The following CPNE9 variants were observed in gnomAD, a reference collection of about 807,000 sequenced individuals.
CPNE9 encodes copine family member 9.
Under a neutral mutation model 83.0 loss-of-function variants are expected in CPNE9, and 59 were observed. The ratio of observed to expected loss-of-function variants is 0.71; its 90% CI spans 0.58 to 0.88. The LOEUF (loss-of-function observed/expected upper bound fraction) is 0.88, where lower values mean the gene tolerates loss of function less well. Among genes scored for constraint, CPNE9 ranks in the 40% least tolerant of loss-of-function variants. The pLI is 0.00. For synonymous variants in CPNE9, 256 were observed against 273.4 expected, an observed-to-expected ratio of 0.94 and a Z score of 0.63; for missense variants, 619 against 720.8, an observed-to-expected ratio of 0.86 and a Z score of 1.62.
At chr3:9,710,840 CAT>C (rs1486783459) in intron 7 of CPNE9, among the ~76,000 whole-genome samples, 1 of 152,062 alleles carries the variant, frequency 6.6e-6, no homozygotes, top group African/African-American at 2.4e-5. Context: ...GTCTGGGTAA[CAT>C]AGCCAGACCT....
At chr3:9,706,548 G>A (rs911369266) in intron 7 of CPNE9, among the ~76,000 whole-genome samples, 2 of 152,218 alleles carry the variant, frequency 1.3e-5, no homozygotes, top group Non-Finnish European at 2.9e-5. Flanking sequence ...AGCTTGCAAT[G>A]GTGAACAAAA....
At chr3:9,719,216 A>C (rs1035901855) in intron 17 of CPNE9, among the ~76,000 whole-genome samples, 1 of 152,142 alleles carries the variant, frequency 6.6e-6, no homozygotes, top group Non-Finnish European at 1.5e-5. Context: ...CAAATACTAC[A>C]CCATTTTATA....
At chr3:9,728,754 C>A (rs1371151991) in intron 20 of CPNE9, among the ~76,000 whole-genome samples, 1 of 151,694 alleles carries the variant, frequency 6.6e-6, no homozygotes, top group East Asian at 1.9e-4. Context: ...CAGCCCCTCT[C>A]CCCCCACATC....
intron 17 of CPNE9, among the ~76,000 whole-genome samples, chr3:9,725,646 G>GTATATGTGTATATATGTA (rs2076773338): frequency 1.5e-5 from 1 of 65,074 alleles, no homozygotes; most frequent in African/African-American, 7.1e-5. Flanking sequence ...ACATGTATGT[G>GTATATGTGTATATATGTA]TATATATGTG....
At chr3:9,715,050 A>G in intron 11 of CPNE9, 95 bp downstream of exon 11, 2 of 1,199,762 alleles carry the variant, frequency 1.7e-6, no homozygotes, top group Non-Finnish European at 1.2e-6. Flanking sequence ...AAGTAGCTTT[A>G]GGAGCCAGGA....
intron 17 of CPNE9, among the ~76,000 whole-genome samples, chr3:9,719,821 G>A (rs1418901568): frequency 4.6e-5 from 7 of 151,814 alleles, no homozygotes; most frequent in East Asian, 1.9e-4. Context: ...GTGAAACCCC[G>A]TCTCTACTGA....
intron 6 of CPNE9, 118 bp from the exon 7 acceptor site, chr3:9,705,869 T>A: frequency 2.2e-6 from 3 of 1,361,354 alleles, no homozygotes; most frequent in Non-Finnish European, 3.1e-6. Context: ...GGGCCGTGGC[T>A]CTTGCACCAC....
Position 9,715,274 on chromosome 3 carries a change from C to G in CPNE9, c.693-15C>G. 1 of 1,613,962 alleles carries G rather than the reference C, an allele frequency of 6.2e-7. No individual in the cohort carries two copies. The highest frequency in any genetic ancestry group is 8.5e-7 in the Non-Finnish European group (1 of 1,179,872). On this transcript the variant is annotated splice_polypyrimidine_tract_variant and intron_variant, in intron 11 of 20. Coordinates refer to ENST00000383832, the MANE Select transcript of CPNE9 (RefSeq NM_153635.3). ...CAGCAGCACCTGCTGCTTAGCCACGCCCACCTCATTGCAGCCACGATTTCA... is the reference window on the plus strand; with the variant it reads ...CAGCAGCACCTGCTGCTTAGCCACGGCCACCTCATTGCAGCCACGATTTCA...
Position 9,704,744 on chromosome 3 carries a change from T to C in CPNE9, c.110-5T>C. 1 of 1,612,032 alleles carries C rather than the reference T, an allele frequency of 6.2e-7. No homozygotes were observed. The highest frequency in any genetic ancestry group is 1.3e-5 in the African/African-American group (1 of 74,842). On this transcript the variant is annotated splice_region_variant and splice_polypyrimidine_tract_variant and intron_variant, in intron 2 of 20. Coordinates refer to ENST00000383832, the MANE Select transcript of CPNE9 (RefSeq NM_153635.3). The surrounding 1 kb of genome is among the most constrained non-coding windows in gnomAD (Gnocchi z 7.1). The stretch of plus-strand genomic sequence containing the variant: ...ACGTCCTTCCCTCCCCGCCCCCACC[T>C]GCAGTGGTGGTGCTTTACACGCAGA...
Position 9,705,518 on chromosome 3 carries a change from C to A in CPNE9, c.297+18C>A, listed in dbSNP as rs913024936. On this transcript the variant is annotated intron_variant, in intron 5 of 20. Coordinates refer to ENST00000383832, the MANE Select transcript of CPNE9 (RefSeq NM_153635.3). ...CCAAACCGGTGAGCAAACGTTTCCT[C>A]GAGGGTTGGCGGAGCGCACAGGAGG... The A allele has an allele frequency of 1.1e-5, 17 of 1,600,994 alleles. No individual in the cohort carries two copies. Among genetic ancestry groups the A allele is most frequent in the Admixed American group, 1.7e-5 (1 of 58,658 alleles).
intron 20 of CPNE9, among the ~76,000 whole-genome samples, chr3:9,728,571 C>T (rs1180365329): frequency 2.0e-5 from 3 of 151,806 alleles, no homozygotes; most frequent in Non-Finnish European, 4.4e-5. Context: ...TGCAGTGAGC[C>T]GAGATCGCAC....
intron 17 of CPNE9, among the ~76,000 whole-genome samples, chr3:9,723,533 G>A (rs1328162891): frequency 6.6e-6 from 1 of 151,286 alleles, no homozygotes; most frequent in African/African-American, 2.4e-5. Context: ...TGGGCAAACT[G>A]AGCCAAAATT....
In CPNE9 at chr3:9,704,225, C is replaced by CG. The variant is rs1188128072; in HGVS notation, c.68+167dup. 3.3e-5 allele frequency among the ~76,000 whole-genome samples: 5 copies of CG among 152,276 alleles called. 1 individual carries two copies. The highest frequency in any genetic ancestry group is 1.2e-4 in the African/African-American group (5 of 41,566). ...GCGAGTAGCTGGTGGGATCGAGAAG[C>CG]GGGGGGTCTTGGGCAGCCCCACCCC... On this transcript the variant is annotated intron_variant, in intron 1 of 20. Transcript: ENST00000383832. The surrounding 1 kb of genome is among the most constrained non-coding windows in gnomAD (Gnocchi z 7.1).
chr3:9,729,549 G>C lies in CPNE9; in HGVS notation c.1519G>C (p.Val507Leu), dbSNP rs2076810825. The C allele has an allele frequency of 1.2e-6, 2 of 1,613,932 alleles. No homozygotes were observed. The highest frequency in any genetic ancestry group is 1.7e-6 in the Non-Finnish European group (2 of 1,179,990). ...RDYVDRSGNQ[V>L]LSMARLAKDV... is the part of the protein sequence containing the mutation. ...CTATGTTGACCGGTCGGGGAACCAGGTGTTGAGCATGGCCCGACTGGCCAA... is the reference window on the plus strand; with the variant it reads ...CTATGTTGACCGGTCGGGGAACCAGCTGTTGAGCATGGCCCGACTGGCCAA... Residue 507 changes from valine (V) to leucine (L), a missense_variant, in exon 21 of 21, where the codon GTG (valine) becomes CTG (leucine). This residue lies in a region of CPNE9 where 438 missense variants were observed against 562.9 expected (regional missense o/e 0.78). Coordinates refer to ENST00000383832, the MANE Select transcript of CPNE9 (RefSeq NM_153635.3).
At chr3:9,705,425 A>ACCCCCCCCCCC in intron 4 of CPNE9, 39 bp from the exon 5 acceptor site, 1 of 303,380 alleles carries the variant, frequency 3.3e-6, no homozygotes, top group Non-Finnish European at 5.6e-6. Flanking sequence ...CCTCTCCCCC[A>ACCCCCCCCCCC]CCCAGCCCCA....
In CPNE9 at chr3:9,704,813, C is replaced by A. The variant is rs371129996; in HGVS notation, c.156+18C>A. ...GGCGGGAGGTGAGTCCCAGAGCCCC[C>A]TCCCGGCCCAGGGCGTCGCCCGGGA... On this transcript the variant is annotated intron_variant, in intron 3 of 20. Coordinates refer to ENST00000383832, the MANE Select transcript of CPNE9 (RefSeq NM_153635.3). The surrounding 1 kb of genome is among the most constrained non-coding windows in gnomAD (Gnocchi z 7.1). The A allele has an allele frequency of 5.4e-5, 86 of 1,602,942 alleles. No individual in the cohort carries two copies. The highest frequency in any genetic ancestry group is 6.6e-5 in the Non-Finnish European group (78 of 1,175,232).
intron 18 of CPNE9, 23 bp from the exon 19 acceptor site, chr3:9,726,642 A>T: frequency 6.2e-7 from 1 of 1,602,942 alleles, no homozygotes; most frequent in Non-Finnish European, 8.5e-7. Context: ...TTGCCCCAAC[A>T]GTTCACCCTC....
At chr3:9,714,469 A>G (rs1461597657) in intron 10 of CPNE9, among the ~76,000 whole-genome samples, 1 of 151,854 alleles carries the variant, frequency 6.6e-6, no homozygotes, top group Non-Finnish European at 1.5e-5. Context: ...TCAGTCATTT[A>G]CTAGCTATGA....
chr3:9,707,215 T>C (rs2076572508), intron 7 of CPNE9, among the ~76,000 whole-genome samples: 1 of 151,510 alleles, frequency 6.6e-6, no homozygotes, highest in African/African-American at 2.4e-5. Flanking sequence ...TAGCTAGGCA[T>C]GGTGGTGGGT....
Sources: allele counts gnomAD v4.1 joint callset (sites outside exome capture counted in the v4.1 genomes callset), GRCh38; gene constraint gnomAD v4.1.1; regional missense constraint gnomAD v4.1.1; non-coding constraint Gnocchi (gnomAD v3.1); transcripts MANE v1.5; gene names NCBI Gene and HGNC (gene_info 2026-07-23, HGNC 2026-07-21).